The following CDH13 variants were observed in gnomAD, a reference collection of about 807,000 sequenced individuals.
CDH13 encodes the protein cadherin 13, also known as cadherin-13.
A neutral mutation model predicts 63.8 loss-of-function variants in CDH13; 24 were observed. The ratio of observed to expected loss-of-function variants is 0.38; its 90% CI spans 0.27 to 0.53. The LOEUF is 0.53. Ranked by LOEUF, CDH13 falls within the 20% of genes least tolerant of loss-of-function variation. The pLI, the probability that CDH13 is intolerant of heterozygous loss-of-function variation, is 0.85. For missense variants in CDH13, 1,049 were observed against 903.1 expected (o/e 1.16, Z -2.07); for synonymous variants, 503 against 355.3 (o/e 1.42, Z -4.67).
chr16:83,695,218 A>T (rs1361186605), intron 10 of CDH13, among the ~76,000 whole-genome samples: 3 of 152,186 alleles, frequency 2.0e-5, no homozygotes, highest in Admixed American at 6.5e-5. Flanking sequence ...AAAAAAAATT[A>T]TTGCAAAAAT....
At chr16:83,084,634 A>G (rs1319448348) in intron 3 of CDH13, among the ~76,000 whole-genome samples, 2 of 152,216 alleles carry the variant, frequency 1.3e-5, no homozygotes, top group East Asian at 3.8e-4. Flanking sequence ...CATGCCTGTA[A>G]TCCCAACACA....
intron 2 of CDH13, among the ~76,000 whole-genome samples, chr16:82,961,519 C>A (rs546040813): frequency 6.8e-6 from 1 of 146,738 alleles, no homozygotes; most frequent in South Asian, 2.2e-4. Flanking sequence ...GAAGCCCCTA[C>A]TGTCTTTATC....
Position 82,906,741 on chromosome 16 carries a change from G to A in CDH13, c.157+48268G>A, listed in dbSNP as rs544573558. ...CGGCAGGGCTGTACTCCCTCCGAAG[G>A]CTCCAGGGGAGGATCCTTCCCCACC... On this transcript the variant is annotated intron_variant, in intron 2 of 13. Transcript: ENST00000567109. Among the ~76,000 whole-genome samples the A allele has an allele frequency of 1.8e-3, 275 of 152,206 alleles. 1 individual carries two copies. The highest frequency in any genetic ancestry group is 6.3e-3 in the African/African-American group (263 of 41,548).
chr16:82,859,493 G>T (rs1259700469), intron 2 of CDH13: 2 of 152,148 alleles, frequency 1.3e-5, no homozygotes, highest in Non-Finnish European at 2.9e-5. Context: ...AGGAGGTGGA[G>T]GCTGCAGTGA....
chr16:83,077,254 G>T (rs1453501459), intron 3 of CDH13, among the ~76,000 whole-genome samples: 1 of 116,438 alleles, frequency 8.6e-6, no homozygotes, highest in African/African-American at 3.4e-5. Context: ...GAACAGTGAT[G>T]CAGTCTTGGC....
chr16:83,627,015 G>A (rs1003739801), intron 8 of CDH13, among the ~76,000 whole-genome samples: 1 of 151,954 alleles, frequency 6.6e-6, no homozygotes, highest in Non-Finnish European at 1.5e-5. Context: ...AGGCGTTGTG[G>A]CTCATGCCTG....
chr16:83,738,086 A>C (rs1911705575), intron 10 of CDH13, among the ~76,000 whole-genome samples: 1 of 152,342 alleles, frequency 6.6e-6, no homozygotes, highest in Non-Finnish European at 1.5e-5. Flanking sequence ...AAAAATAGGA[A>C]AACACTCACA....
chr16:82,724,426 G>A (rs2032970332), intron 1 of CDH13, among the ~76,000 whole-genome samples: 1 of 152,126 alleles, frequency 6.6e-6, no homozygotes, highest in African/African-American at 2.4e-5. Context: ...CTACAAGGCA[G>A]GTGCCATGAT....
At chr16:82,846,844 T>C (rs2039278935) in intron 1 of CDH13, among the ~76,000 whole-genome samples, 2 of 152,150 alleles carry the variant, frequency 1.3e-5, no homozygotes, top group African/African-American at 4.8e-5. Context: ...TAATGGCAGA[T>C]CAAAATGTCC....
chr16:83,730,964 TG>T (rs1356978537), intron 10 of CDH13, among the ~76,000 whole-genome samples: 1 of 152,256 alleles, frequency 6.6e-6, no homozygotes, highest in Non-Finnish European at 1.5e-5. Context: ...GGCCTCCAGC[TG>T]CATCCATGTT....
chr16:82,948,783 TA>T (rs1567685771), intron 2 of CDH13, among the ~76,000 whole-genome samples: 2 of 152,172 alleles, frequency 1.3e-5, no homozygotes, highest in Non-Finnish European at 2.9e-5. Flanking sequence ...AGGTACCATA[TA>T]ACTAATCTTC....
chr16:83,762,605 C>T (rs909342345), intron 11 of CDH13, among the ~76,000 whole-genome samples: 5 of 152,192 alleles, frequency 3.3e-5, no homozygotes, highest in Non-Finnish European at 5.9e-5. Flanking sequence ...CTGTCACAGG[C>T]GATTTCTCGT....
chr16:82,671,281 G>A (rs532421479), intron 1 of CDH13, among the ~76,000 whole-genome samples: 1 of 152,280 alleles, frequency 6.6e-6, no homozygotes, highest in South Asian at 2.1e-4. Context: ...ATTTTTTGGT[G>A]TGGTCTTCCT....
intron 5 of CDH13, among the ~76,000 whole-genome samples, chr16:83,305,711 C>A (rs1030760821): frequency 1.3e-5 from 2 of 152,102 alleles, no homozygotes; most frequent in African/African-American, 4.8e-5. Flanking sequence ...ATCCCGGGGG[C>A]AAATGATGTT....
intron 4 of CDH13, among the ~76,000 whole-genome samples, chr16:83,186,189 C>T (rs2038517653): frequency 6.7e-6 from 1 of 149,808 alleles, no homozygotes; most frequent in South Asian, 2.1e-4. Context: ...GGCTGGAGTG[C>T]AGTGGCGTGA....
At chr16:83,155,582 C>T (rs1165363252) in intron 4 of CDH13, among the ~76,000 whole-genome samples, 2 of 150,222 alleles carry the variant, frequency 1.3e-5, no homozygotes, top group African/African-American at 2.5e-5. Context: ...TAAAGTCAAA[C>T]AAGTTAAATG....
In CDH13 at chr16:83,123,264, A is replaced by G. The variant is rs564840082; in HGVS notation, c.367-2121A>G. On this transcript the variant is annotated intron_variant, in intron 3 of 13. Coordinates refer to ENST00000567109, the MANE Select transcript of CDH13 (RefSeq NM_001257.5). ...TATATGTATAGATACAAATATATATATATATATCCCACATTTTCTTTTTTT... is the reference window on the plus strand; with the variant it reads ...TATATGTATAGATACAAATATATATGTATATATCCCACATTTTCTTTTTTT... Among the ~76,000 whole-genome samples the G allele has an allele frequency of 1.4e-4, 22 of 151,806 alleles. 1 individual carries two copies. The East Asian group carries it at 4.1e-3, about 28-fold the overall frequency.
chr16:82,942,271 G>A (rs1190830074), intron 2 of CDH13, among the ~76,000 whole-genome samples: 1 of 152,126 alleles, frequency 6.6e-6, no homozygotes, highest in Non-Finnish European at 1.5e-5. Flanking sequence ...AATGTATTGA[G>A]AAGATCACCC....
intron 11 of CDH13, among the ~76,000 whole-genome samples, chr16:83,755,269 ACAC>A (rs1336654729): frequency 9.2e-5 from 14 of 152,198 alleles, no homozygotes; most frequent in Non-Finnish European, 2.1e-4. Flanking sequence ...TCTATAGCAA[ACAC>A]CACAAGGGAA....
Sources: gnomAD v4.1 joint callset for allele counts (sites outside exome capture counted in the v4.1 genomes callset) on GRCh38, gnomAD v4.1.1 for gene constraint, MANE v1.5 for transcripts, NCBI Gene and HGNC (gene_info 2026-07-23, HGNC 2026-07-21) for gene names.